FBXL13: variants seen among roughly 807,000 people sequenced by gnomAD.
The protein encoded by FBXL13 is F-box and leucine rich repeat protein 13, also known as F-box and leucine-rich repeat protein 13.
In FBXL13, 67 loss-of-function variants were observed where a neutral mutation model predicts 83.6. The ratio of observed to expected loss-of-function variants is 0.80; its 90% CI spans 0.66 to 0.98. The LOEUF is 0.98. Among genes scored for constraint, FBXL13 ranks in the 50% least tolerant of loss-of-function variants. The probability of loss-of-function intolerance (pLI) is 0.00; values close to 1 mark genes in which losing one functional copy is unlikely to be tolerated. For synonymous variants in FBXL13, 272 were observed against 299.5 expected, an observed-to-expected ratio of 0.91 and a Z score of 0.95; for missense variants, 822 against 866.5, an observed-to-expected ratio of 0.95 and a Z score of 0.64.
chr7:102,938,519 A>G (rs561238869), intron 8 of FBXL13, among the ~76,000 whole-genome samples: 84 of 152,296 alleles, frequency 5.5e-4, no homozygotes, highest in Non-Finnish European at 1.0e-3. Context: ...CTGGAGAAGG[A>G]GCAAGCTTGT....
chr7:103,000,734 C>T (rs948508133), intron 6 of FBXL13, among the ~76,000 whole-genome samples: 2 of 152,152 alleles, frequency 1.3e-5, no homozygotes, highest in Admixed American at 6.5e-5. Flanking sequence ...CCCTTTAGAT[C>T]TATTAATGTT....
chr7:102,996,115 C>A (rs190697953), intron 6 of FBXL13, among the ~76,000 whole-genome samples: 2 of 152,202 alleles, frequency 1.3e-5, no homozygotes, highest in Non-Finnish European at 2.9e-5. Flanking sequence ...AAACCCAGTT[C>A]TCCCTGAGTC....
chr7:102,908,758 C>G (rs1814162381), intron 11 of FBXL13, among the ~76,000 whole-genome samples: 1 of 152,246 alleles, frequency 6.6e-6, no homozygotes, highest in Non-Finnish European at 1.5e-5. Context: ...CAAACAGAGT[C>G]TCTCTGTTCT....
At chr7:103,065,658 TCAGA>T (rs1371253535) in intron 1 of FBXL13, among the ~76,000 whole-genome samples, 1 of 152,192 alleles carries the variant, frequency 6.6e-6, no homozygotes, top group Non-Finnish European at 1.5e-5. Flanking sequence ...ACCCTGTGGC[TCAGA>T]CAGAGTACCC....
chr7:103,010,994 A>T (rs1207293672), intron 6 of FBXL13, among the ~76,000 whole-genome samples: 1 of 152,190 alleles, frequency 6.6e-6, no homozygotes, highest in East Asian at 1.9e-4. Flanking sequence ...TTATTCTATA[A>T]TCAAACCCCA....
intron 7 of FBXL13, among the ~76,000 whole-genome samples, chr7:102,966,657 A>G (rs1052335327): frequency 6.6e-6 from 1 of 152,154 alleles, no homozygotes; most frequent in Non-Finnish European, 1.5e-5. Flanking sequence ...AGGAAGTTAC[A>G]CTGCTTTATG....
chr7:102,970,210 G>A (rs1032822074), intron 6 of FBXL13, among the ~76,000 whole-genome samples: 14 of 148,864 alleles, frequency 9.4e-5, no homozygotes, highest in African/African-American at 3.5e-4. Context: ...ATGGTCATGC[G>A]ACTGCACTCC....
chr7:102,823,531 T>G (rs1313283143), intron 18 of FBXL13, among the ~76,000 whole-genome samples: 3 of 152,330 alleles, frequency 2.0e-5, no homozygotes, highest in African/African-American at 7.2e-5. Flanking sequence ...TATCACAGTT[T>G]TGCCCAGATG....
intron 2 of FBXL13, among the ~76,000 whole-genome samples, chr7:103,052,752 T>C (rs143187624): frequency 0.011 from 1,639 of 144,002 alleles, 36 homozygotes; most frequent in African/African-American, 0.041. Context: ...TGACAATTCC[T>C]TTTCTTTTTT....
At chr7:102,849,896 G>T (rs1347493653) in intron 17 of FBXL13, among the ~76,000 whole-genome samples, 1 of 151,998 alleles carries the variant, frequency 6.6e-6, no homozygotes, top group Non-Finnish European at 1.5e-5. Context: ...TTGAGGGTGA[G>T]GGGAGGGAAC....
chr7:102,855,092 G>A (rs1253450907), intron 16 of FBXL13, among the ~76,000 whole-genome samples: 5 of 152,102 alleles, frequency 3.3e-5, no homozygotes, highest in African/African-American at 1.2e-4. Flanking sequence ...AAGCTTTTAT[G>A]GAATCCCAGA....
intron 2 of FBXL13, among the ~76,000 whole-genome samples, chr7:103,033,060 C>T (rs1220039321): frequency 2.0e-5 from 3 of 152,128 alleles, no homozygotes; most frequent in Non-Finnish European, 2.9e-5. Flanking sequence ...TCTCTCTCTC[C>T]ATCCCCCCAT....
intron 6 of FBXL13, among the ~76,000 whole-genome samples, chr7:103,008,096 C>A (rs1052361610): frequency 6.6e-6 from 1 of 152,144 alleles, no homozygotes; most frequent in Non-Finnish European, 1.5e-5. Context: ...TGAGATGATG[C>A]CATGAGACCA....
At chr7:102,963,380 G>T (rs974602375) in intron 8 of FBXL13, among the ~76,000 whole-genome samples, 153 bp downstream of exon 9, 1 of 151,556 alleles carries the variant, frequency 6.6e-6, no homozygotes, top group African/African-American at 2.4e-5. Context: ...AGTAAGAGCT[G>T]CACTATATTA....
intron 1 of FBXL13, among the ~76,000 whole-genome samples, chr7:103,073,922 C>A (rs1799322076): frequency 6.6e-6 from 1 of 152,154 alleles, no homozygotes; most frequent in Non-Finnish European, 1.5e-5. Context: ...ATCCCCATCC[C>A]CACTCAAACA....
intron 1 of FBXL13, among the ~76,000 whole-genome samples, chr7:103,070,049 A>T (rs1798788294): frequency 6.7e-6 from 1 of 149,586 alleles, no homozygotes; most frequent in African/African-American, 2.5e-5. Context: ...ACTGCACTCC[A>T]GCCTGGGCGA....
chr7:102,832,462 C>G (rs571674097), intron 18 of FBXL13, among the ~76,000 whole-genome samples: 1 of 152,310 alleles, frequency 6.6e-6, no homozygotes, highest in Admixed American at 6.5e-5. Flanking sequence ...GATTTAATAA[C>G]TTGTAAAACA....
intron 2 of FBXL13, among the ~76,000 whole-genome samples, chr7:103,051,796 C>G (rs949366387): frequency 4.6e-5 from 7 of 152,160 alleles, no homozygotes; most frequent in African/African-American, 1.7e-4. Flanking sequence ...TATAGAACAG[C>G]TGGATTGGTT....
chr7:102,900,967 T>G (rs1040182022), intron 11 of FBXL13, among the ~76,000 whole-genome samples: 1 of 152,202 alleles, frequency 6.6e-6, no homozygotes, highest in Non-Finnish European at 1.5e-5. Context: ...ATTTAGAAAC[T>G]CAAATACTTA....
Sources: allele counts gnomAD v4.1 joint callset (sites outside exome capture counted in the v4.1 genomes callset), GRCh38; gene constraint gnomAD v4.1.1; transcripts MANE v1.5; gene names NCBI Gene and HGNC (gene_info 2026-07-23, HGNC 2026-07-21).